Variants in TBC1D5 observed in about 807,000 individuals in gnomAD.
TBC1D5 encodes TBC1 domain family, member 5.
A neutral mutation model predicts 100.3 loss-of-function variants in TBC1D5; 75 were observed. The ratio of observed to expected loss-of-function variants is 0.75; its 90% confidence interval spans 0.62 to 0.91. The LOEUF (loss-of-function observed/expected upper bound fraction) is 0.91. Among genes scored for constraint, TBC1D5 ranks in the 40% least tolerant of loss-of-function variants. The pLI is 0.00. For missense variants in TBC1D5, 910 were observed against 942.4 expected (o/e 0.97, Z 0.45); for synonymous variants, 323 against 325.6 (o/e 0.99, Z 0.09).
chr3:17,537,168 C>T, intron 2 of TBC1D5, among the ~76,000 whole-genome samples: 1 of 152,152 alleles, frequency 6.6e-6, no homozygotes, highest in East Asian at 1.9e-4. Flanking sequence ...TTATTTCCCT[C>T]AGGGCCCACT....
chr3:17,634,594 G>T (rs1405759909), intron 1 of TBC1D5, among the ~76,000 whole-genome samples: 3 of 148,406 alleles, frequency 2.0e-5, no homozygotes, highest in Non-Finnish European at 3.0e-5. Flanking sequence ...TAGCAGGAAG[G>T]AATAGAGGGG....
intron 21 of TBC1D5, among the ~76,000 whole-genome samples, chr3:17,165,462 G>T (rs998699239): frequency 1.3e-5 from 2 of 152,200 alleles, no homozygotes; most frequent in Non-Finnish European, 2.9e-5. Context: ...AGGAGAATTT[G>T]TGAAGAAACG....
chr3:17,227,706 G>C (rs1378659570), intron 17 of TBC1D5, among the ~76,000 whole-genome samples: 5 of 151,994 alleles, frequency 3.3e-5, no homozygotes, highest in Non-Finnish European at 7.4e-5. Context: ...TGAATGTGGA[G>C]GGTGGGAGGA....
rs182615243 is a variant in TBC1D5 at position 17,236,623 on chromosome 3, C to T, written c.1588+1540G>A. 8.5e-3 allele frequency among the ~76,000 whole-genome samples: 1,285 copies of T among 152,028 alleles called. 21 individuals are homozygous for T. Among genetic ancestry groups the T allele is most frequent in the African/African-American group, 0.029 (1,199 of 41,482 alleles). ...GCCTCAGTCTCCTGAGTAGCTGGGA[C>T]TACCGGCATGCACCACCATGCCCAG... On this transcript the variant is annotated intron_variant, in intron 17 of 21. Transcript: ENST00000253692.
intron 2 of TBC1D5, among the ~76,000 whole-genome samples, chr3:17,517,257 G>A (rs955885127): frequency 1.3e-5 from 2 of 152,134 alleles, no homozygotes; most frequent in Admixed American, 6.5e-5. Flanking sequence ...TCTGAACTAC[G>A]CTTTTTTAGC....
rs565670935 is a variant in TBC1D5, at chr3:17,421,303, C to A, written c.167+7147G>T. 1.4e-4 allele frequency among the ~76,000 whole-genome samples: 21 copies of A among 152,218 alleles called. No individual in the cohort carries two copies. In the South Asian group the frequency reaches 4.4e-3, roughly 32 times the overall value. The stretch of plus-strand genomic sequence containing the variant: ...CTCTGATTTCTAAAAAACAAAAAGG[C>A]TATACATTTTGTGCTCTCTGAAGTG... On this transcript the variant is annotated intron_variant, in intron 4 of 21. Coordinates refer to ENST00000253692, the Ensembl canonical transcript of TBC1D5.
At chr3:17,182,067 CAA>C (rs1487454815) in intron 19 of TBC1D5, among the ~76,000 whole-genome samples, 1 of 152,008 alleles carries the variant, frequency 6.6e-6, no homozygotes, top group Non-Finnish European at 1.5e-5. Context: ...AAAAACAAAT[CAA>C]GAGCATCAAG....
Position 17,372,336 on chromosome 3 carries a change from A to G in TBC1D5, c.823-89T>C, listed in dbSNP as rs540292711. ...TTCTTTATCAATGACAGTTTAAACA[A>G]GAAGTCTTATTATCTGCCTACTACT... On this transcript the variant is annotated intron_variant, in intron 12 of 21. Coordinates refer to ENST00000253692, the Ensembl canonical transcript of TBC1D5. 7.4e-5 allele frequency: 93 copies of G among 1,255,010 alleles called. No individual in the cohort carries two copies. The African/African-American group carries it at 1.3e-3, about 18-fold the overall frequency. The allele number at this position is 1,255,010 out of a possible 1,614,324, so 77.7% of individuals were successfully genotyped here. A position where few individuals can be genotyped will look rare whatever the true frequency, so the allele number is the denominator to read the frequency against.
At chr3:17,717,249 G>A (rs2075315030) in intron 1 of TBC1D5, among the ~76,000 whole-genome samples, 2 of 111,548 alleles carry the variant, frequency 1.8e-5, no homozygotes, top group South Asian at 7.2e-4. Context: ...AAGCAGTAAA[G>A]GATTTTTCAA....
At chr3:17,618,558 C>T (rs529870280) in intron 2 of TBC1D5, among the ~76,000 whole-genome samples, 22 of 152,362 alleles carry the variant, frequency 1.4e-4, no homozygotes, top group African/African-American at 5.3e-4. Flanking sequence ...GGGCTCTGCC[C>T]AGTTCGAGCT....
chr3:17,187,245 T>C (rs1354079738), intron 18 of TBC1D5, among the ~76,000 whole-genome samples: 2 of 152,228 alleles, frequency 1.3e-5, no homozygotes, highest in Non-Finnish European at 2.9e-5. Context: ...GACTGGCCTA[T>C]GACTTGCATT....
chr3:17,535,701 A>T lies in TBC1D5; in HGVS notation c.-35-27096T>A, dbSNP rs192845643. 3.8e-3 allele frequency among the ~76,000 whole-genome samples: 576 copies of T among 152,136 alleles called. 2 individuals carry two copies. The highest frequency in any genetic ancestry group is 0.014 in the Middle Eastern group (4 of 294). ...AAGTTAACAGAGTATAAAATAAAATAAAAAAAAGTTGCGGGATGGGGAGGA... is the reference window on the plus strand; with the variant it reads ...AAGTTAACAGAGTATAAAATAAAATTAAAAAAAGTTGCGGGATGGGGAGGA... On this transcript the variant is annotated intron_variant, in intron 2 of 21. Coordinates refer to ENST00000253692, the Ensembl canonical transcript of TBC1D5.
intron 1 of TBC1D5, among the ~76,000 whole-genome samples, chr3:17,709,731 A>T (rs188621126): frequency 0.02 from 3,054 of 152,218 alleles, 147 homozygotes; most frequent in Admixed American, 0.089. Context: ...CTTAAAAAAA[A>T]TTTTTTTTAA....
At chr3:17,317,856 A>G (rs966429323) in intron 13 of TBC1D5, among the ~76,000 whole-genome samples, 1 of 152,238 alleles carries the variant, frequency 6.6e-6, no homozygotes, top group East Asian at 1.9e-4. Flanking sequence ...ATTCCATTTG[A>G]CCCAGCCATC....
chr3:17,691,819 G>A (rs538026598), intron 1 of TBC1D5, among the ~76,000 whole-genome samples: 259 of 144,020 alleles, frequency 1.8e-3, no homozygotes, highest in Middle Eastern at 3.9e-3. Flanking sequence ...GTGAGACTCC[G>A]TCTCAACAAA....
chr3:17,706,224 A>C (rs1406836741), intron 1 of TBC1D5: 1 of 1,549,358 alleles, frequency 6.5e-7, no homozygotes, highest in Admixed American at 2.0e-5. Context: ...CAGGCTGTGG[A>C]GGCGGCGGCC....
intron 3 of TBC1D5, among the ~76,000 whole-genome samples, chr3:17,461,114 T>G (rs1352665405): frequency 6.6e-6 from 1 of 152,196 alleles, no homozygotes; most frequent in Non-Finnish European, 1.5e-5. Context: ...AACATCCTAC[T>G]GTAAGTTGAT....
chr3:17,250,041 A>C (rs1398537983), intron 16 of TBC1D5, among the ~76,000 whole-genome samples: 4 of 152,244 alleles, frequency 2.6e-5, no homozygotes, highest in Non-Finnish European at 5.9e-5. Context: ...GGACTTGCTC[A>C]GTGCAGGGTT....
intron 3 of TBC1D5, among the ~76,000 whole-genome samples, chr3:17,459,745 A>C (rs1054558317): frequency 6.6e-6 from 1 of 152,154 alleles, no homozygotes; most frequent in African/African-American, 2.4e-5. Context: ...AAGGAAAAAA[A>C]AAAAAAAGAT....
Sources: gnomAD v4.1 joint callset for allele counts (sites outside exome capture counted in the v4.1 genomes callset) on GRCh38, gnomAD v4.1.1 for gene constraint, MANE v1.5 for transcripts, NCBI Gene and HGNC (gene_info 2026-07-23, HGNC 2026-07-21) for gene names.